PICK1: variants seen among roughly 807,000 people sequenced by gnomAD.
PICK1 encodes PRKCA-binding protein.
Under a neutral mutation model 48.9 loss-of-function variants are expected in PICK1, and 23 were observed. The ratio of observed to expected loss-of-function variants is 0.47; its 90% confidence interval spans 0.34 to 0.67. The LOEUF is 0.67. Ranked by LOEUF, PICK1 falls within the 30% of genes least tolerant of loss-of-function variation. PICK1 has a pLI of 0.01. For missense variants in PICK1, 423 were observed against 557.1 expected, an observed-to-expected ratio of 0.76 and a Z score of 2.42; for synonymous variants, 217 against 228.2, an observed-to-expected ratio of 0.95 and a Z score of 0.44.
intron 3 of PICK1, among the ~76,000 whole-genome samples, chr22:38,061,522 A>G (rs988547259): frequency 1.4e-4 from 21 of 152,112 alleles, no homozygotes; most frequent in Non-Finnish European, 2.4e-4. Flanking sequence ...CTCTTCATGC[A>G]TGGGCTTCCA....
chr22:38,062,516 G>A lies in PICK1; in HGVS notation c.154-2486G>A, dbSNP rs576330021. 3.9e-5 allele frequency among the ~76,000 whole-genome samples: 6 copies of A among 152,130 alleles called. 1 individual carries two copies. The South Asian group carries it at 1.2e-3, about 32-fold the overall frequency. ...ACCTGCCTCGACCTCCCAAAGTGCT[G>A]GGATTACAGGCGTGAGCCACCATGC... On this transcript the variant is annotated intron_variant, in intron 3 of 12. Transcript: ENST00000356976.
intron 6 of PICK1, among the ~76,000 whole-genome samples, chr22:38,070,157 C>T (rs1480294838): frequency 6.6e-6 from 1 of 152,242 alleles, no homozygotes. Context: ...CGCTCCTCCC[C>T]TCTTCTGCTA....
Position 38,075,067 on chromosome 22 carries a change from C to T in PICK1, c.1183C>T (p.Pro395Ser). ...GGAGGAAGACACGGCAGCTGGGGAGCCGTCCAGGGATACACGAGGGGCTGC... is the reference window on the plus strand; with the variant it reads ...GGAGGAAGACACGGCAGCTGGGGAGTCGTCCAGGGATACACGAGGGGCTGC... Reference protein sequence around the residue: ...EEEEDTAAGEPSRDTRGAAGP... With the variant: ...EEEEDTAAGESSRDTRGAAGP... Residue 395 changes from proline to serine, a missense_variant, in exon 13 of 13, where the codon CCG (proline) becomes TCG (serine). Pro to Ser is a moderately conservative substitution (Grantham distance 74, BLOSUM62 -1). Transcript: ENST00000356976. 1 of 1,612,924 alleles carries T rather than the reference C, an allele frequency of 6.2e-7. No individual in the cohort carries two copies. The highest frequency in any genetic ancestry group is 8.5e-7 in the Non-Finnish European group (1 of 1,179,964).
In PICK1 at chr22:38,057,404, GA is replaced by G. The variant is rs761006872; in HGVS notation, c.-240del. Reference sequence around the variant, plus strand: ...TTCCGCGTCTTGCCGGAAGTGACGTGACAATCGCGGCCACCGCCAGGTGGAA... The same window carrying G: ...TTCCGCGTCTTGCCGGAAGTGACGTGCAATCGCGGCCACCGCCAGGTGGAA... On this transcript the variant is annotated 5_prime_UTR_variant, in exon 1 of 13. Transcript: ENST00000356976. 54 of 231,660 alleles carry G rather than the reference GA, an allele frequency of 2.3e-4. No homozygotes were observed. The highest frequency in any genetic ancestry group is 3.4e-4 in the Non-Finnish European group (40 of 116,428). The allele number at this position is 231,660 out of a possible 1,614,324, so 14.4% of individuals were successfully genotyped here. A position where few individuals can be genotyped will look rare whatever the true frequency, so the allele number is the denominator to read the frequency against.
chr22:38,071,483 C>T lies in PICK1; in HGVS notation c.494-199C>T, dbSNP rs980826543. Among the ~76,000 whole-genome samples, 9 of 152,238 alleles carry T rather than the reference C, an allele frequency of 5.9e-5. No homozygotes were observed. The South Asian group carries it at 1.2e-3, about 21-fold the overall frequency. On this transcript the variant is annotated intron_variant, in intron 7 of 12. Transcript: ENST00000356976. Reference sequence around the variant, plus strand: ...ACCCCTGCATCTTACAAAATGCTGGCGCCCCTGTCTGATGGGGCTCCTCAC... The same window carrying T: ...ACCCCTGCATCTTACAAAATGCTGGTGCCCCTGTCTGATGGGGCTCCTCAC...
chr22:38,059,093 C>T, intron 2 of PICK1, 141 bp from the exon 3 acceptor site: 1 of 687,948 alleles, frequency 1.5e-6, no homozygotes. Context: ...TGTGCATGTT[C>T]CAGCACAAAA....
chr22:38,071,673 C>T lies in PICK1; in HGVS notation c.494-9C>T, dbSNP rs1321009319. The T allele has an allele frequency of 6.2e-7, 1 of 1,612,936 alleles. No individual in the cohort carries two copies. The highest frequency in any genetic ancestry group is 1.7e-5 in the Admixed American group (1 of 60,030). Reference sequence around the variant, plus strand: ...GTCCCCATTCCGCATCACTCGGTCTCTCCCACAGGGATGACGGAACACACC... The same window carrying T: ...GTCCCCATTCCGCATCACTCGGTCTTTCCCACAGGGATGACGGAACACACC... On this transcript the variant is annotated splice_polypyrimidine_tract_variant and intron_variant, in intron 7 of 12. Coordinates refer to ENST00000356976, the MANE Select transcript of PICK1 (RefSeq NM_012407.4).
intron 9 of PICK1, 84 bp downstream of exon 9, chr22:38,072,694 A>G: frequency 6.4e-7 from 1 of 1,567,490 alleles, no homozygotes; most frequent in Non-Finnish European, 8.7e-7. Context: ...CGTATGCTGG[A>G]GTCCTGTGCC....
rs1355544367 is a variant in PICK1, at chr22:38,066,230, A to G, written c.282+1100A>G. Reference sequence around the variant, plus strand: ...TGCCACTCCACGTGGTCTGGGTATCACTGCCTCAGGTATGACCTGTTAGGC... The same window carrying G: ...TGCCACTCCACGTGGTCTGGGTATCGCTGCCTCAGGTATGACCTGTTAGGC... On this transcript the variant is annotated intron_variant, in intron 4 of 12. Coordinates refer to ENST00000356976, the MANE Select transcript of PICK1 (RefSeq NM_012407.4). This position sits in a 1 kb window ranked among gnomAD's most constrained non-coding sequence, Gnocchi z 4.1. Among the ~76,000 whole-genome samples, 1 of 152,194 alleles carries G rather than the reference A, an allele frequency of 6.6e-6. No homozygotes were observed. The highest frequency in any genetic ancestry group is 2.4e-5 in the African/African-American group (1 of 41,442).
At chr22:38,065,870 C>T (rs573208355) in intron 4 of PICK1, among the ~76,000 whole-genome samples, 32 of 152,282 alleles carry the variant, frequency 2.1e-4, no homozygotes, top group Admixed American at 3.3e-4. Context: ...TTGAAAGTCT[C>T]GGGGGCAAGG....
chr22:38,065,240 C>T, intron 4 of PICK1, 110 bp downstream of exon 4: 1 of 1,092,318 alleles, frequency 9.2e-7, no homozygotes, highest in Non-Finnish European at 1.4e-6. Context: ...CCCTCACCGC[C>T]CCCTTCCTTG....
intron 3 of PICK1, 57 bp from the exon 4 acceptor site, chr22:38,064,945 C>G (rs2085489371): frequency 1.1e-5 from 17 of 1,605,080 alleles, no homozygotes; most frequent in Non-Finnish European, 1.4e-5. Flanking sequence ...GGTGTCTTCC[C>G]AGGTTCCATC....
chr22:38,069,272 T>A (rs2085614599), intron 6 of PICK1, 150 bp downstream of exon 6: 6 of 655,466 alleles, frequency 9.2e-6, no homozygotes, highest in Admixed American at 8.9e-5. Context: ...ACCATCTCTG[T>A]ACCCCCAGAG....
chr22:38,069,150 C>A (rs2085610281), intron 6 of PICK1, 28 bp downstream of exon 6: 5 of 1,532,916 alleles, frequency 3.3e-6, no homozygotes, highest in Non-Finnish European at 4.5e-6. Flanking sequence ...CAGCTGGGGC[C>A]CCGGGGACTC....
Position 38,065,008 on chromosome 22 carries a change from G to T in PICK1, c.160G>T (p.Asp54Tyr). Residue 54 changes from aspartate (D) to tyrosine (Y), a missense_variant, in exon 4 of 13, where the codon GAC becomes TAC. This residue lies in a region of PICK1 where 279 missense variants were observed against 417.8 expected (regional missense o/e 0.67). Coordinates refer to ENST00000356976, the MANE Select transcript of PICK1 (RefSeq NM_012407.4). The part of the protein sequence containing the change: ...CPCLYIVQVF[D>Y]NTPAALDGTV... ...TCTCCTTATGCACCCACAGGTATTT[G>T]ACAACACCCCAGCAGCCTTGGACGG... The T allele has an allele frequency of 6.2e-7, 1 of 1,613,990 alleles. No homozygotes were observed. Among genetic ancestry groups the T allele is most frequent in the South Asian group, 1.1e-5 (1 of 91,040 alleles).
In PICK1 at chr22:38,075,035, A is replaced by G; in HGVS notation, c.1151A>G (p.Glu384Gly). Residue 384 changes from glutamate to glycine, a missense_variant, in exon 13 of 13, where the codon GAG (glutamate) becomes GGG (glycine). By Grantham distance (98) the Glu-to-Gly change is moderately conservative (BLOSUM62 -2). Transcript: ENST00000356976. ...GAGGAGTTCACAGATGGGGAGGAGG[A>G]GGAGGAGGAGGAAGACACGGCAGCT... ...NQEEFTDGEE[E>G]EEEEDTAAGE... The G allele has an allele frequency of 1.2e-6, 2 of 1,613,230 alleles. No homozygotes were observed. Among genetic ancestry groups the G allele is most frequent in the Non-Finnish European group, 1.7e-6 (2 of 1,179,968 alleles).
intron 5 of PICK1, among the ~76,000 whole-genome samples, chr22:38,068,678 G>A (rs571070606): frequency 2.0e-5 from 3 of 152,252 alleles, no homozygotes; most frequent in Non-Finnish European, 4.4e-5. Context: ...TCCCCTTTAT[G>A]TGACACCCTA....
rs1238275560 is a variant in PICK1, at chr22:38,068,053, C to T, written c.349+283C>T. 3 of 561,592 alleles carry T rather than the reference C, an allele frequency of 5.3e-6. No homozygotes were observed. In the African/African-American group the frequency reaches 5.6e-5, roughly 11 times the overall value. The allele number at this position is 561,592 out of a possible 1,614,324, so 34.8% of individuals were successfully genotyped here. A position where few individuals can be genotyped will look rare whatever the true frequency, so the allele number is the denominator to read the frequency against. ...CCATCTCCTCTGGGGACTTGCTACC[C>T]TAGGGTTGTCCTTTGCAGGCCAGCG... On this transcript the variant is annotated intron_variant, in intron 5 of 12. Transcript: ENST00000356976.
At position 38,073,740 on chromosome 22, in the gene PICK1, A is replaced by G; in HGVS notation, c.784-33A>G. 2 of 1,606,672 alleles carry G rather than the reference A, an allele frequency of 1.2e-6. No homozygotes were observed. The highest frequency in any genetic ancestry group is 1.7e-6 in the Non-Finnish European group (2 of 1,174,192). ...GCTGGGGACCTGGGGTGGGGGTAGTAGCCACTCTGACAGCCTCACCTGTCC... is the reference window on the plus strand; with the variant it reads ...GCTGGGGACCTGGGGTGGGGGTAGTGGCCACTCTGACAGCCTCACCTGTCC... On this transcript the variant is annotated intron_variant, in intron 10 of 12. Transcript: ENST00000356976. This position sits in a 1 kb window ranked among gnomAD's most constrained non-coding sequence, Gnocchi z 5.7.
Sources: gnomAD v4.1 joint callset for allele counts (sites outside exome capture counted in the v4.1 genomes callset) on GRCh38, gnomAD v4.1.1 for gene constraint, gnomAD v4.1.1 regional missense constraint, Gnocchi (gnomAD v3.1) non-coding constraint, MANE v1.5 for transcripts, NCBI Gene and HGNC (gene_info 2026-07-23, HGNC 2026-07-21) for gene names.